Variants in DAAM1 observed in about 807,000 individuals in gnomAD.
DAAM1 encodes disheveled-associated activator of morphogenesis 1.
A neutral mutation model predicts 130.0 loss-of-function variants in DAAM1; 52 were observed. The observed-to-expected ratio is 0.40, with a 90% confidence interval of 0.32 to 0.50. The LOEUF (loss-of-function observed/expected upper bound fraction) is 0.50. Among genes scored for constraint, DAAM1 ranks in the 20% least tolerant of loss-of-function variants. The probability of loss-of-function intolerance (pLI) is 0.61; values close to 1 mark genes in which losing one functional copy is unlikely to be tolerated. For missense variants in DAAM1, 1,134 were observed against 1,303.8 expected (o/e 0.87, Z 2.01); for synonymous variants, 452 against 444.5 (o/e 1.02, Z -0.21).
At position 59,371,373 on chromosome 14, in the gene DAAM1, A is replaced by C. The variant is rs1887168805; in HGVS notation, c.*2514A>C. The C allele has an allele frequency of 6.6e-6, 1 of 152,202 alleles. No homozygotes were observed. Among genetic ancestry groups the C allele is most frequent in the African/African-American group, 2.4e-5 (1 of 41,454 alleles). 9.4% of individuals were successfully genotyped at this position (152,202 alleles called of 1,614,324 possible). ...TACATGTTTTTTTAAAAATAGCAAT[A>C]TGCAATAAAGAGATGAATTCATTGG... On this transcript the variant is annotated 3_prime_UTR_variant, in exon 25 of 25. Coordinates refer to ENST00000360909, the MANE Select transcript of DAAM1 (RefSeq NM_001270520.2).
At position 59,324,351 on chromosome 14, in the gene DAAM1, G is replaced by A; in HGVS notation, c.886G>A (p.Glu296Lys). 4 of 1,561,320 alleles carry A rather than the reference G, an allele frequency of 2.6e-6. No homozygotes were observed. The highest frequency in any genetic ancestry group is 3.5e-6 in the Non-Finnish European group (4 of 1,153,482). Residue 296 changes from glutamate (E) to lysine (K), a missense_variant and splice_region_variant, in exon 8 of 25, where the codon GAG becomes AAG. This residue lies in a region of DAAM1 where 391 missense variants were observed against 521.6 expected (regional missense o/e 0.75). Transcript: ENST00000360909. ...TATTTTATTGCCATTTTACTTTCAG[G>A]AGAGTTTGGACTTTAGACTTCATCT... ...NAVLSQGAGV[E>K]SLDFRLHLRY...
intron 1 of DAAM1, among the ~76,000 whole-genome samples, chr14:59,242,293 T>C (rs936729965): frequency 6.6e-6 from 1 of 152,190 alleles, no homozygotes; most frequent in Non-Finnish European, 1.5e-5. Flanking sequence ...AAGAACCAAA[T>C]TGGTCTTTTC....
At position 59,367,547 on chromosome 14, in the gene DAAM1, A is replaced by T; in HGVS notation, c.2945A>T (p.Asn982Ile). Reference protein sequence around the residue: ...AVSEAKQENENMRKKKEEEER... With the variant: ...AVSEAKQENEIMRKKKEEEER... ...TCAGAAGCCAAACAAGAAAACGAAA[A>T]TATGAGAAAGAAAAAGGAGGAAGAA... The change falls in exon 24 of 25, where the codon AAT (asparagine) becomes ATT (isoleucine). Residue 982 changes from asparagine (N) to isoleucine (I), a missense_variant. Physicochemically the swap from Asn to Ile is moderately radical, Grantham distance 149 (BLOSUM62 -3). Transcript: ENST00000360909. 6.2e-7 allele frequency: 1 copy of T among 1,614,042 alleles called. No homozygotes were observed. The highest frequency in any genetic ancestry group is 8.5e-7 in the Non-Finnish European group (1 of 1,179,950).
intron 1 of DAAM1, among the ~76,000 whole-genome samples, chr14:59,199,098 G>A (rs1277612776): frequency 1.3e-5 from 2 of 152,152 alleles, no homozygotes; most frequent in African/African-American, 4.8e-5. Context: ...GGCTGCCCCT[G>A]CCTTGGCATG....
At chr14:59,190,700 C>T (rs1887705695) in intron 1 of DAAM1, among the ~76,000 whole-genome samples, 2 of 152,194 alleles carry the variant, frequency 1.3e-5, no homozygotes, top group African/African-American at 4.8e-5. Context: ...CTCTGGGAAC[C>T]TCAGTCTTCT....
chr14:59,315,437 G>C, intron 4 of DAAM1, 86 bp downstream of exon 4: 3 of 1,262,606 alleles, frequency 2.4e-6, no homozygotes, highest in Admixed American at 3.7e-5. Flanking sequence ...ATTCGATTGA[G>C]TATGACCTAC....
chr14:59,220,735 T>C (rs1330111459), intron 1 of DAAM1, among the ~76,000 whole-genome samples: 1 of 152,108 alleles, frequency 6.6e-6, no homozygotes. Context: ...ACTGCTGGTG[T>C]GAGTACCAGA....
At chr14:59,227,348 G>C (rs1888972733) in intron 1 of DAAM1, among the ~76,000 whole-genome samples, 1 of 152,076 alleles carries the variant, frequency 6.6e-6, no homozygotes, top group South Asian at 2.1e-4. Flanking sequence ...AAAGTCTCTG[G>C]TTCCCCATTA....
intron 16 of DAAM1, among the ~76,000 whole-genome samples, chr14:59,343,819 G>A (rs777595310): frequency 2.6e-5 from 4 of 152,108 alleles, no homozygotes; most frequent in Admixed American, 2.0e-4. Flanking sequence ...CAAATCATTC[G>A]AAGCTCTCAG....
At chr14:59,320,454 G>T (rs1373531460) in intron 4 of DAAM1, 36 bp from the exon 5 acceptor site, 4 of 1,537,122 alleles carry the variant, frequency 2.6e-6, no homozygotes, top group Admixed American at 3.9e-5. Context: ...TTAAAAAATA[G>T]AATTTGAAGA....
At chr14:59,204,385 C>T (rs942469359) in intron 1 of DAAM1, among the ~76,000 whole-genome samples, 7 of 152,194 alleles carry the variant, frequency 4.6e-5, no homozygotes, top group African/African-American at 1.4e-4. Flanking sequence ...CCACATGGCC[C>T]ACATTGGCAG....
intron 2 of DAAM1, among the ~76,000 whole-genome samples, chr14:59,268,802 C>T (rs536774682): frequency 5.9e-5 from 9 of 152,294 alleles, no homozygotes; most frequent in Admixed American, 2.0e-4. Context: ...TTCCTCTGTG[C>T]TCTCTGCCTC....
chr14:59,227,887 G>C (rs1888990244), intron 1 of DAAM1, among the ~76,000 whole-genome samples: 1 of 152,150 alleles, frequency 6.6e-6, no homozygotes, highest in African/African-American at 2.4e-5. Context: ...CTATCCCAGT[G>C]AGACGCGGGG....
chr14:59,260,722 G>A (rs990705461), intron 1 of DAAM1, among the ~76,000 whole-genome samples: 1 of 152,104 alleles, frequency 6.6e-6, no homozygotes, highest in Non-Finnish European at 1.5e-5. Flanking sequence ...GAAATACTAG[G>A]TCAAAATGTG....
intron 9 of DAAM1, 29 bp downstream of exon 9, chr14:59,325,759 G>C (rs1345306384): frequency 6.2e-7 from 1 of 1,610,606 alleles, no homozygotes; most frequent in East Asian, 2.2e-5. Context: ...ATTCTGGTTT[G>C]ATTCATCAGT....
rs766176294 is a variant in DAAM1 at position 59,331,934 on chromosome 14, C to T, written c.1968+14C>T. On this transcript the variant is annotated intron_variant, in intron 15 of 24. Transcript: ENST00000360909. Reference sequence around the variant, plus strand: ...CAAAGACAGCAGGTAACAGCATATGCCCTCCAGACACCAAAAAGGTAGAAA... The same window carrying T: ...CAAAGACAGCAGGTAACAGCATATGTCCTCCAGACACCAAAAAGGTAGAAA... The T allele has an allele frequency of 3.1e-6, 5 of 1,601,690 alleles. No individual in the cohort carries two copies. In the East Asian group the frequency reaches 8.9e-5, roughly 29 times the overall value.
intron 2 of DAAM1, among the ~76,000 whole-genome samples, chr14:59,279,274 C>T (rs1413963656): frequency 6.6e-6 from 1 of 152,080 alleles, no homozygotes; most frequent in African/African-American, 2.4e-5. Context: ...TCTACTTTTT[C>T]TAAGAAATTC....
intron 1 of DAAM1, among the ~76,000 whole-genome samples, chr14:59,247,666 T>G (rs915519473): frequency 2.6e-5 from 4 of 152,086 alleles, no homozygotes; most frequent in Admixed American, 6.5e-5. Context: ...CACTCTAAAC[T>G]TTCAGCGACA....
chr14:59,228,233 T>C (rs1198298226), intron 1 of DAAM1, among the ~76,000 whole-genome samples: 1 of 152,154 alleles, frequency 6.6e-6, no homozygotes, highest in East Asian at 1.9e-4. Flanking sequence ...TTCATCTTTC[T>C]TTATGGAAAA....
Sources: allele counts gnomAD v4.1 joint callset (sites outside exome capture counted in the v4.1 genomes callset), GRCh38; gene constraint gnomAD v4.1.1; regional missense constraint gnomAD v4.1.1; transcripts MANE v1.5; gene names NCBI Gene and HGNC (gene_info 2026-07-23, HGNC 2026-07-21).